The following HNF4A variants were observed in gnomAD, a reference collection of about 807,000 sequenced individuals.
The protein encoded by HNF4A is hepatocyte nuclear factor 4 alpha.
In HNF4A, 15 loss-of-function variants were observed where a neutral mutation model predicts 52.4. The observed-to-expected ratio is 0.29, with a 90% CI of 0.19 to 0.44. The LOEUF (loss-of-function observed/expected upper bound fraction) is 0.44. HNF4A is among the 20% of genes least tolerant of loss of function. The probability of loss-of-function intolerance (pLI) is 1.00; values close to 1 mark genes in which losing one functional copy is unlikely to be tolerated. For synonymous variants in HNF4A, 280 were observed against 264.4 expected, an observed-to-expected ratio of 1.06 and a Z score of -0.57; for missense variants, 479 against 647.2, an observed-to-expected ratio of 0.74 and a Z score of 2.82.
At chr20:44,396,365 T>C (rs191430249), upstream of HNF4A, among the ~76,000 whole-genome samples, 1 of 152,234 alleles carries the variant, frequency 6.6e-6, no homozygotes, top group Admixed American at 6.5e-5. Context: ...AGAGAAACAA[T>C]GTGGTTCGTA....
intron 1 of HNF4A, among the ~76,000 whole-genome samples, chr20:44,376,941 T>C (rs1343832231): frequency 6.6e-6 from 1 of 151,874 alleles, no homozygotes; most frequent in Non-Finnish European, 1.5e-5. Flanking sequence ...GTGGCTCACC[T>C]GTAATTCCAA....
chr20:44,422,269 G>A (rs377144878), intron 7 of HNF4A, among the ~76,000 whole-genome samples: 10 of 152,220 alleles, frequency 6.6e-5, no homozygotes, highest in Non-Finnish European at 1.2e-4. Flanking sequence ...TGCTCAACAC[G>A]AGGCTGGACT....
intron 1 of HNF4A, among the ~76,000 whole-genome samples, chr20:44,385,057 ATCTTTT>A (rs1257554375): frequency 5.7e-4 from 17 of 29,928 alleles, no homozygotes; most frequent in African/African-American, 2.9e-3. Context: ...GAACTCTGTG[ATCTTTT>A]TTTTTTTTTT....
intron 8 of HNF4A, among the ~76,000 whole-genome samples, chr20:44,425,004 C>T (rs1413493386): frequency 6.6e-6 from 1 of 152,166 alleles, no homozygotes; most frequent in Non-Finnish European, 1.5e-5. Context: ...TTCTTTGAGA[C>T]AAAGTCTCCC....
At chr20:44,413,110 C>T (rs537651584) in intron 3 of HNF4A, among the ~76,000 whole-genome samples, 3 of 152,126 alleles carry the variant, frequency 2.0e-5, no homozygotes, top group Admixed American at 6.5e-5. Context: ...CCCCGGTGGG[C>T]GTAGGCTCCA....
chr20:44,359,778 C>T lies in HNF4A; in HGVS notation c.49+3925C>T, dbSNP rs919300358. 2.0e-5 allele frequency among the ~76,000 whole-genome samples: 3 copies of T among 151,256 alleles called. No individual in the cohort carries two copies. The Admixed American group carries it at 2.0e-4, about 10-fold the overall frequency. On this transcript the variant is annotated intron_variant, in intron 1 of 9. Transcript: ENST00000316673. ...AAATGTACCCTGGGGCACATATAAC[C>T]CCACTGTGTTATAGGAGAACAAGGT...
intron 6 of HNF4A, among the ~76,000 whole-genome samples, chr20:44,419,055 T>C (rs2063707130): frequency 6.6e-6 from 1 of 152,148 alleles, no homozygotes; most frequent in Admixed American, 6.5e-5. Context: ...GGATTACAGG[T>C]GTGAGCCACC....
chr20:44,362,847 T>TTC (rs200397082), intron 1 of HNF4A, among the ~76,000 whole-genome samples: 61 of 142,730 alleles, frequency 4.3e-4, no homozygotes, highest in Non-Finnish European at 7.2e-4. Context: ...AATTCTCTTT[T>TTC]TTTTTTTTTT....
Position 44,432,439 on chromosome 20 carries a change from T to C in HNF4A, c.*2774T>C, listed in dbSNP as rs1432803260. 7.3e-6 allele frequency: 1 copy of C among 136,640 alleles called. No individual in the cohort carries two copies. Among genetic ancestry groups the C allele is most frequent in the East Asian group, 2.3e-4 (1 of 4,300 alleles). 8.5% of individuals were successfully genotyped at this position (136,640 alleles called of 1,614,324 possible). A position where few individuals can be genotyped will look rare whatever the true frequency, so the allele number is the denominator to read the frequency against. ...CAGAGGGTTGCTGGGGGGACAAGCG[T>C]GGGCACAATTTCCCCACCAAGACAC... On this transcript the variant is annotated 3_prime_UTR_variant, in exon 10 of 10. Transcript: ENST00000316099.
In HNF4A at chr20:44,413,734, A is replaced by G. The variant is rs747399563; in HGVS notation, c.426A>G (p.Ser142=). ...GGGACCGGATCAGCACTCGAAGGTC[A>G]AGCTATGAGGACAGCAGCCTGCCCT... Residue 142 remains serine, a synonymous_variant, in exon 4 of 10, where the codon TCA becomes TCG. Transcript: ENST00000316099. 1 of 1,613,914 alleles carries G rather than the reference A, an allele frequency of 6.2e-7. No individual in the cohort carries two copies.
chr20:44,388,261 T>C (rs1304445292), intron 1 of HNF4A, among the ~76,000 whole-genome samples: 1 of 151,454 alleles, frequency 6.6e-6, no homozygotes, highest in East Asian at 1.9e-4. Context: ...CTATCTTAAT[T>C]TTCATAATGG....
intron 1 of HNF4A, among the ~76,000 whole-genome samples, chr20:44,369,438 A>G (rs2063009096): frequency 6.6e-6 from 1 of 151,862 alleles, no homozygotes; most frequent in South Asian, 2.1e-4. Flanking sequence ...TCAAAAAAAG[A>G]GAAAGGAAAA....
intron 1 of HNF4A, among the ~76,000 whole-genome samples, chr20:44,375,056 C>CA (rs1181520187): frequency 6.6e-6 from 1 of 151,836 alleles, no homozygotes; most frequent in African/African-American, 2.4e-5. Flanking sequence ...AGGGTGGGGA[C>CA]AAAAAAAGAA....
intron 1 of HNF4A, among the ~76,000 whole-genome samples, chr20:44,359,663 G>A (rs73275349): frequency 0.017 from 2,645 of 152,286 alleles, 81 homozygotes; most frequent in African/African-American, 0.061. Flanking sequence ...ACTGTAGGAT[G>A]TTAAGCAGCA....
chr20:44,396,386 C>A (rs992062557), upstream of HNF4A, among the ~76,000 whole-genome samples: 19 of 152,132 alleles, frequency 1.2e-4, no homozygotes, highest in African/African-American at 4.6e-4. Flanking sequence ...GTGGCAGCTC[C>A]CTTACCACCG....
chr20:44,370,149 C>T (rs1464317834), intron 1 of HNF4A, among the ~76,000 whole-genome samples: 3 of 152,186 alleles, frequency 2.0e-5, no homozygotes, highest in Non-Finnish European at 4.4e-5. Context: ...GCCTCAGCCC[C>T]CCCAAGTAGC....
chr20:44,387,717 G>C (rs1386394895), intron 1 of HNF4A, among the ~76,000 whole-genome samples: 1 of 107,788 alleles, frequency 9.3e-6, no homozygotes. Context: ...AACCCTGGCA[G>C]GTTTAAAAAA....
chr20:44,387,658 G>T (rs1030348887), intron 1 of HNF4A, among the ~76,000 whole-genome samples: 3 of 87,934 alleles, frequency 3.4e-5, no homozygotes, highest in Non-Finnish European at 4.9e-5. Context: ...AGGCAGGCGG[G>T]GGGGGGGGGA....
chr20:44,359,337 G>A (rs2062892883), intron 1 of HNF4A, among the ~76,000 whole-genome samples: 1 of 152,192 alleles, frequency 6.6e-6, no homozygotes, highest in Non-Finnish European at 1.5e-5. Context: ...TGTCATGTCT[G>A]CACTTACGTG....
Sources: gnomAD v4.1 joint callset for allele counts (sites outside exome capture counted in the v4.1 genomes callset) on GRCh38, gnomAD v4.1.1 for gene constraint, MANE v1.5 for transcripts, NCBI Gene and HGNC (gene_info 2026-07-23, HGNC 2026-07-21) for gene names.